Variants in PTPRR observed in about 807,000 individuals in gnomAD.
PTPRR encodes the protein protein tyrosine phosphatase receptor type R, also known as receptor-type tyrosine-protein phosphatase R.
PTPRR carries 38 observed loss-of-function variants against 77.2 expected under a neutral mutation model. The ratio of observed to expected loss-of-function variants is 0.49; its 90% confidence interval spans 0.38 to 0.65. PTPRR has a LOEUF of 0.65. PTPRR is among the 30% of genes least tolerant of loss of function. The probability of loss-of-function intolerance (pLI) is 0.00; values close to 1 mark genes in which losing one functional copy is unlikely to be tolerated. For synonymous variants in PTPRR, 299 were observed against 283.1 expected (o/e 1.06, Z -0.57); for missense variants, 744 against 799.2 (o/e 0.93, Z 0.83).
intron 2 of PTPRR, among the ~76,000 whole-genome samples, chr12:70,822,084 C>T (rs563286649): frequency 1.3e-5 from 2 of 152,286 alleles, no homozygotes; most frequent in South Asian, 2.1e-4. Flanking sequence ...GAAGTTCTCA[C>T]CTATTTAATA....
chr12:70,811,935 A>G (rs113943847), intron 2 of PTPRR, among the ~76,000 whole-genome samples: 1 of 152,218 alleles, frequency 6.6e-6, no homozygotes, highest in Non-Finnish European at 1.5e-5. Context: ...GTCATCTAGC[A>G]CTGACTGATA....
intron 2 of PTPRR, among the ~76,000 whole-genome samples, chr12:70,771,838 C>G (rs1372359233): frequency 6.6e-6 from 1 of 152,190 alleles, no homozygotes; most frequent in East Asian, 1.9e-4. Flanking sequence ...CAGTGCAAGG[C>G]AAAAGAATGA....
At chr12:70,811,425 TTG>T (rs1261851216) in intron 2 of PTPRR, among the ~76,000 whole-genome samples, 5 of 152,222 alleles carry the variant, frequency 3.3e-5, no homozygotes, top group Admixed American at 3.3e-4. Context: ...TAAGAATGCT[TTG>T]GCGGTTTTCT....
Position 70,719,546 on chromosome 12 carries a change from A to T in PTPRR, c.1008-18223T>A, listed in dbSNP as rs1416286151. Among the ~76,000 whole-genome samples, 3 of 145,210 alleles carry T rather than the reference A, an allele frequency of 2.1e-5. No homozygotes were observed. The Admixed American group carries it at 2.1e-4, about 10-fold the overall frequency. ...AGGGGAGCAAAAGGGCAAAAAAAAAAATCATTTTTTTAAAAAAATAATGAA... is the reference window on the plus strand; with the variant it reads ...AGGGGAGCAAAAGGGCAAAAAAAAATATCATTTTTTTAAAAAAATAATGAA... On this transcript the variant is annotated intron_variant, in intron 6 of 13. Coordinates refer to ENST00000283228, the MANE Select transcript of PTPRR (RefSeq NM_002849.4).
At chr12:70,898,715 T>C (rs1159463398) in intron 1 of PTPRR, among the ~76,000 whole-genome samples, 1 of 150,882 alleles carries the variant, frequency 6.6e-6, no homozygotes, top group Non-Finnish European at 1.5e-5. Context: ...AAGAGTAAAA[T>C]AAATGTAAAG....
At chr12:70,793,172 A>G (rs1891451485) in intron 2 of PTPRR, among the ~76,000 whole-genome samples, 1 of 152,202 alleles carries the variant, frequency 6.6e-6, no homozygotes, top group South Asian at 2.1e-4. Context: ...CAGCAGAAAC[A>G]ATAGCAAATA....
At chr12:70,739,589 G>A (rs1889981132) in intron 6 of PTPRR, among the ~76,000 whole-genome samples, 1 of 152,216 alleles carries the variant, frequency 6.6e-6, no homozygotes, top group Non-Finnish European at 1.5e-5. Context: ...AGTATCTTGA[G>A]CCATAGTACC....
chr12:70,872,737 C>G (rs1592806593), intron 2 of PTPRR, among the ~76,000 whole-genome samples: 1 of 131,154 alleles, frequency 7.6e-6, no homozygotes, highest in African/African-American at 3.0e-5. Flanking sequence ...ACCAAGTCAA[C>G]CATTTTGCCT....
chr12:70,641,502 G>T (rs1020304419), intron 13 of PTPRR, among the ~76,000 whole-genome samples: 2 of 152,188 alleles, frequency 1.3e-5, no homozygotes, highest in Non-Finnish European at 2.9e-5. Context: ...ATGACATTCT[G>T]TTCACTAAAT....
At chr12:70,643,628 G>A (rs1019303633) in intron 13 of PTPRR, among the ~76,000 whole-genome samples, 1 of 152,154 alleles carries the variant, frequency 6.6e-6, no homozygotes, top group African/African-American at 2.4e-5. Context: ...TTCATCCTCA[G>A]GAGAGCTCTG....
intron 5 of PTPRR, among the ~76,000 whole-genome samples, chr12:70,753,929 T>G (rs1271517085): frequency 6.6e-6 from 1 of 152,184 alleles, no homozygotes; most frequent in Non-Finnish European, 1.5e-5. Context: ...AATCACTGTC[T>G]AAAGCTTCAT....
At chr12:70,782,603 A>G (rs1243788636) in intron 2 of PTPRR, among the ~76,000 whole-genome samples, 1 of 151,088 alleles carries the variant, frequency 6.6e-6, no homozygotes, top group East Asian at 2.0e-4. Context: ...AAAACCAAAC[A>G]CCGCATGTTC....
chr12:70,730,505 C>T (rs112251541), intron 6 of PTPRR, among the ~76,000 whole-genome samples: 6,452 of 151,130 alleles, frequency 0.043, 470 homozygotes, highest in African/African-American at 0.15. Context: ...AGCAAGACCC[C>T]GTCTCAAAAG....
At chr12:70,698,890 T>G (rs1592683736) in intron 7 of PTPRR, among the ~76,000 whole-genome samples, 1 of 152,294 alleles carries the variant, frequency 6.6e-6, no homozygotes. Context: ...ACTGGACTGT[T>G]CCATTTTAAG....
chr12:70,706,566 T>G (rs886541655), intron 6 of PTPRR, among the ~76,000 whole-genome samples: 2 of 152,148 alleles, frequency 1.3e-5, no homozygotes, highest in Non-Finnish European at 2.9e-5. Flanking sequence ...TGAAAGGACC[T>G]ACACCTCACT....
chr12:70,711,027 G>A lies in PTPRR; in HGVS notation c.1008-9704C>T, dbSNP rs117790569. On this transcript the variant is annotated intron_variant, in intron 6 of 13. Coordinates refer to ENST00000283228, the MANE Select transcript of PTPRR (RefSeq NM_002849.4). ...AGACCTATAGACAGAAATATCATTC[G>A]ACCCAGCAATCCCATATACCCAAAG... Among the ~76,000 whole-genome samples the A allele has an allele frequency of 3.3e-3, 495 of 152,068 alleles. 2 individuals are homozygous for A. The highest frequency in any genetic ancestry group is 5.1e-3 in the Non-Finnish European group (349 of 67,964).
At chr12:70,693,698 C>A (rs1426828042) in intron 8 of PTPRR, among the ~76,000 whole-genome samples, 2 of 149,602 alleles carry the variant, frequency 1.3e-5, no homozygotes. Context: ...TAATATATAG[C>A]TTGTACTAAA....
intron 2 of PTPRR, among the ~76,000 whole-genome samples, chr12:70,793,685 A>C (rs538580053): frequency 1.3e-4 from 20 of 152,168 alleles, no homozygotes; most frequent in Non-Finnish European, 2.8e-4. Flanking sequence ...CCATCAAACG[A>C]GGGTAATTTT....
chr12:70,733,466 ATG>A (rs1889749154), intron 6 of PTPRR, among the ~76,000 whole-genome samples: 2 of 80,056 alleles, frequency 2.5e-5, no homozygotes, highest in African/African-American at 5.8e-5. Context: ...AAGAAAAATT[ATG>A]GCAAAAAAAA....
Sources: gnomAD v4.1 joint callset for allele counts (sites outside exome capture counted in the v4.1 genomes callset) on GRCh38, gnomAD v4.1.1 for gene constraint, MANE v1.5 for transcripts, NCBI Gene and HGNC (gene_info 2026-07-23, HGNC 2026-07-21) for gene names.